Variants in PDE4D observed in about 807,000 individuals in gnomAD.
PDE4D encodes phosphodiesterase 4D, also known as 3',5'-cyclic-AMP phosphodiesterase 4D.
Under a neutral mutation model 87.4 loss-of-function variants are expected in PDE4D, and 24 were observed. That is an observed-to-expected ratio of 0.27 (90% CI 0.20 to 0.39). The LOEUF (loss-of-function observed/expected upper bound fraction) is 0.39. Ranked by LOEUF, PDE4D falls within the 10% of genes least tolerant of loss-of-function variation. The pLI, the probability that PDE4D is intolerant of heterozygous loss-of-function variation, is 1.00. For synonymous variants in PDE4D, 384 were observed against 383.2 expected (o/e 1.00, Z -0.02); for missense variants, 714 against 1,041.0 (o/e 0.69, Z 4.32).
intron 1 of PDE4D, among the ~76,000 whole-genome samples, chr5:59,887,430 G>C (rs988465087): frequency 1.1e-4 from 17 of 152,168 alleles, no homozygotes; most frequent in African/African-American, 4.1e-4. Context: ...ATAATACAGT[G>C]CTATTTGGTG....
At chr5:59,882,460 G>C (rs1020058476) in intron 1 of PDE4D, among the ~76,000 whole-genome samples, 3 of 152,058 alleles carry the variant, frequency 2.0e-5, no homozygotes, top group African/African-American at 7.2e-5. Context: ...CTGCATACTA[G>C]GTAATATTGT....
chr5:59,134,944 G>A (rs1373679408), intron 5 of PDE4D, among the ~76,000 whole-genome samples: 1 of 152,134 alleles, frequency 6.6e-6, no homozygotes, highest in Admixed American at 6.5e-5. Flanking sequence ...TGCTGAGTTG[G>A]CGCCTCACAG....
intron 1 of PDE4D, among the ~76,000 whole-genome samples, chr5:59,554,473 C>T (rs189177309): frequency 1.3e-5 from 2 of 152,280 alleles, no homozygotes; most frequent in Non-Finnish European, 2.9e-5. Flanking sequence ...TAACTCTAGA[C>T]TCTAAGCTTT....
rs151316099 is a variant in PDE4D at position 60,291,871 on chromosome 5, A to T, written c.-89-106184T>A. 6.7e-3 allele frequency among the ~76,000 whole-genome samples: 1,014 copies of T among 152,328 alleles called. 7 individuals carry two copies. The highest frequency in any genetic ancestry group is 0.024 in the African/African-American group (978 of 41,592). ...TGTAAATAAAAATGTTTGCACACAG[A>T]TGTTCCCTAATAATTTGTATGCAAT... is the stretch of plus-strand genomic sequence containing the variant. On this transcript the variant is annotated intron_variant, in intron 1 of 16. Coordinates refer to the PDE4D transcript ENST00000502484.
intron 1 of PDE4D, among the ~76,000 whole-genome samples, chr5:59,220,176 T>C (rs1752172680): frequency 6.6e-6 from 1 of 151,980 alleles, no homozygotes; most frequent in Non-Finnish European, 1.5e-5. Context: ...GGAAGACCAG[T>C]ATTTGTTAAA....
At chr5:59,449,664 G>A (rs935526406) in intron 1 of PDE4D, among the ~76,000 whole-genome samples, 13 of 151,990 alleles carry the variant, frequency 8.6e-5, no homozygotes, top group African/African-American at 2.4e-4. Context: ...TTTTCAGCAC[G>A]TTAAAAATGC....
At chr5:59,324,951 T>C (rs1437287190) in intron 1 of PDE4D, among the ~76,000 whole-genome samples, 2 of 152,126 alleles carry the variant, frequency 1.3e-5, no homozygotes, top group African/African-American at 2.4e-5. Context: ...TGGTAATTAA[T>C]AGGGAAAACT....
Position 59,422,276 on chromosome 5 carries a change from C to T in PDE4D, c.456-206308G>A, listed in dbSNP as rs147707476. Among the ~76,000 whole-genome samples, 4 of 152,232 alleles carry T rather than the reference C, an allele frequency of 2.6e-5. No homozygotes were observed. In the East Asian group the frequency reaches 5.8e-4, roughly 22 times the overall value. ...CCTTAGACACCTGTAACATCCTTCT[C>T]ATCAAATTTCTTCCCTTAGGGGCCC... On this transcript the variant is annotated intron_variant, in intron 1 of 14. Transcript: ENST00000340635.
At chr5:59,164,851 G>C (rs1225372893) in intron 5 of PDE4D, 1 of 152,086 alleles carries the variant, frequency 6.6e-6, no homozygotes, top group African/African-American at 2.4e-5. Flanking sequence ...AATAGGGGTT[G>C]GGCTGAGATG....
chr5:59,012,224 CT>C (rs535085243), intron 6 of PDE4D, among the ~76,000 whole-genome samples: 63 of 152,264 alleles, frequency 4.1e-4, no homozygotes, highest in African/African-American at 1.5e-3. Flanking sequence ...ACCATCAAGG[CT>C]AGGAAGAAAC....
At chr5:59,062,324 G>T (rs1250102004) in intron 5 of PDE4D, among the ~76,000 whole-genome samples, 1 of 152,046 alleles carries the variant, frequency 6.6e-6, no homozygotes, top group Non-Finnish European at 1.5e-5. Flanking sequence ...GGCATATTGT[G>T]TATATTTGCA....
At chr5:60,430,243 T>C in intron 1 of PDE4D, 1 of 514,272 alleles carries the variant, frequency 1.9e-6, no homozygotes, top group South Asian at 1.4e-5. Context: ...GAATGACCCT[T>C]CTTCTTCTCA....
intron 2 of PDE4D, among the ~76,000 whole-genome samples, chr5:60,176,687 T>C (rs1311455287): frequency 1.3e-5 from 2 of 152,154 alleles, no homozygotes; most frequent in Non-Finnish European, 2.9e-5. Context: ...CACGAAATGT[T>C]ATTTTAAAAG....
chr5:60,183,957 G>A (rs2149506914), intron 2 of PDE4D, among the ~76,000 whole-genome samples: 1 of 152,202 alleles, frequency 6.6e-6, no homozygotes, highest in Admixed American at 6.5e-5. Flanking sequence ...TATGCCAGTG[G>A]ATTCTCAAGA....
intron 1 of PDE4D, among the ~76,000 whole-genome samples, chr5:59,704,074 T>C (rs1040297538): frequency 6.6e-6 from 1 of 152,106 alleles, no homozygotes; most frequent in African/African-American, 2.4e-5. Flanking sequence ...TAAAAAGATA[T>C]TTCAAGGAGT....
At chr5:59,245,395 C>T (rs1561800033) in intron 1 of PDE4D, among the ~76,000 whole-genome samples, 2 of 152,124 alleles carry the variant, frequency 1.3e-5, no homozygotes, top group Non-Finnish European at 2.9e-5. Flanking sequence ...CTCCTTGAGG[C>T]ATATTTTTTC....
intron 5 of PDE4D, among the ~76,000 whole-genome samples, chr5:59,121,271 T>G (rs1301806196): frequency 1.3e-5 from 2 of 152,102 alleles, no homozygotes; most frequent in African/African-American, 4.8e-5. Flanking sequence ...AGACAATCTA[T>G]TAAATGGGAG....
intron 1 of PDE4D, among the ~76,000 whole-genome samples, chr5:60,307,501 T>G (rs1754612069): frequency 1.3e-5 from 2 of 152,028 alleles, no homozygotes; most frequent in South Asian, 4.2e-4. Flanking sequence ...TGCCAGCAAA[T>G]TCTCAGGTCA....
At chr5:59,958,060 G>A (rs1759048325) in intron 3 of PDE4D, among the ~76,000 whole-genome samples, 1 of 152,032 alleles carries the variant, frequency 6.6e-6, no homozygotes, top group Non-Finnish European at 1.5e-5. Context: ...GGAGGTAAAG[G>A]ATAAATTATT....
Sources: allele counts gnomAD v4.1 joint callset (sites outside exome capture counted in the v4.1 genomes callset), GRCh38; gene constraint gnomAD v4.1.1; transcripts MANE v1.5; gene names NCBI Gene and HGNC (gene_info 2026-07-23, HGNC 2026-07-21).